Variants in ATP6V1B2 observed in about 807,000 individuals in gnomAD.
ATP6V1B2 encodes ATPase H+ transporting V1 subunit B2, also known as V-type proton ATPase subunit B, brain isoform.
Under a neutral mutation model 66.7 loss-of-function variants are expected in ATP6V1B2, and 23 were observed. That is an observed-to-expected ratio of 0.34 (90% CI 0.25 to 0.49). ATP6V1B2 has a LOEUF of 0.49. Ranked by LOEUF, ATP6V1B2 falls within the 20% of genes least tolerant of loss-of-function variation. The probability of loss-of-function intolerance (pLI) is 0.99; values close to 1 mark genes in which losing one functional copy is unlikely to be tolerated. For synonymous variants in ATP6V1B2, 278 were observed against 236.7 expected, an observed-to-expected ratio of 1.17 and a Z score of -1.60; for missense variants, 478 against 650.8, an observed-to-expected ratio of 0.73 and a Z score of 2.89.
chr8:20,212,264 G>C, intron 8 of ATP6V1B2, 65 bp downstream of exon 8: 1 of 1,508,780 alleles, frequency 6.6e-7, no homozygotes, highest in Non-Finnish European at 9.2e-7. Flanking sequence ...CTTAAGGTTG[G>C]GGAGGTAAAA....
intron 8 of ATP6V1B2, 55 bp from the exon 9 acceptor site, chr8:20,212,721 TTTTGTG>T: frequency 6.3e-7 from 1 of 1,580,864 alleles, no homozygotes; most frequent in African/African-American, 1.4e-5. Context: ...AATCATTTCT[TTTTGTG>T]TTTTCTTTTT....
chr8:20,203,302 A>G (rs2072705449), intron 1 of ATP6V1B2, among the ~76,000 whole-genome samples: 1 of 152,270 alleles, frequency 6.6e-6, no homozygotes, highest in Non-Finnish European at 1.5e-5. Flanking sequence ...TTAGCAGGAA[A>G]GATGGAAGCC....
At position 20,212,303 on chromosome 8, in the gene ATP6V1B2, A is replaced by G. The variant is rs1192963686; in HGVS notation, c.803+104A>G. 1.0e-5 allele frequency: 11 copies of G among 1,050,654 alleles called. No individual in the cohort carries two copies. In the Admixed American group the frequency reaches 1.8e-4, roughly 18 times the overall value. 65.1% of individuals were successfully genotyped at this position (1,050,654 alleles called of 1,614,324 possible). The stretch of plus-strand genomic sequence containing the variant: ...GGTAATAACAGCATTTGGACCTAAC[A>G]ATGAGGTAACCCTGTATTTAAAGTC... On this transcript the variant is annotated intron_variant, in intron 8 of 13. Transcript: ENST00000276390.
chr8:20,212,640 A>G (rs1230920771), intron 8 of ATP6V1B2, 142 bp from the exon 9 acceptor site: 12 of 1,247,104 alleles, frequency 9.6e-6, no homozygotes, highest in Non-Finnish European at 1.3e-5. Context: ...AAGAATTTGT[A>G]AAATAACAAC....
At chr8:20,207,618 G>C (rs1220571272) in intron 2 of ATP6V1B2, among the ~76,000 whole-genome samples, 1 of 151,674 alleles carries the variant, frequency 6.6e-6, no homozygotes, top group Non-Finnish European at 1.5e-5. Context: ...ATGACTTCAG[G>C]CTGTTTTCCA....
chr8:20,203,857 G>A (rs2072710957), intron 1 of ATP6V1B2: 1 of 386,246 alleles, frequency 2.6e-6, no homozygotes, highest in Non-Finnish European at 5.0e-6. Flanking sequence ...TTCTTATCTT[G>A]TTTGACCCCC....
chr8:20,203,335 C>G (rs1333712761), intron 1 of ATP6V1B2, among the ~76,000 whole-genome samples: 1 of 152,194 alleles, frequency 6.6e-6, no homozygotes, highest in Admixed American at 6.5e-5. Flanking sequence ...TCTGCTCTGT[C>G]CCAGCATTTT....
At chr8:20,204,658 T>C in intron 2 of ATP6V1B2, 119 bp downstream of exon 2, 7 of 816,474 alleles carry the variant, frequency 8.6e-6, no homozygotes, top group South Asian at 3.9e-5. Flanking sequence ...TGGGTGTCAG[T>C]CAGTCTAAAG....
At chr8:20,211,467 C>A in intron 6 of ATP6V1B2, 151 bp downstream of exon 6, 1 of 1,298,872 alleles carries the variant, frequency 7.7e-7, no homozygotes, top group Non-Finnish European at 1.0e-6. Context: ...TTTATTTCTG[C>A]ACATGTCTTC....
In ATP6V1B2 at chr8:20,199,957, T is replaced by G. The variant is rs1488922252; in HGVS notation, c.136+2415T>G. Among the ~76,000 whole-genome samples the G allele has an allele frequency of 2.6e-5, 4 of 151,564 alleles. No individual in the cohort carries two copies. In the East Asian group the frequency reaches 7.8e-4, roughly 30 times the overall value. On this transcript the variant is annotated intron_variant, in intron 1 of 13. Coordinates refer to ENST00000276390, the MANE Select transcript of ATP6V1B2 (RefSeq NM_001693.4). ...TGATTGTAATTTTTTGTGAATTGAT[T>G]GATGTTATCATTTAAGGGGACATGT...
intron 7 of ATP6V1B2, 22 bp from the exon 8 acceptor site, chr8:20,212,080 T>G (rs1404286133): frequency 1.3e-6 from 2 of 1,596,508 alleles, no homozygotes; most frequent in African/African-American, 2.7e-5. Context: ...CTCCCAGCAC[T>G]GATGAAGTTA....
intron 3 of ATP6V1B2, 97 bp from the exon 4 acceptor site, chr8:20,210,249 G>A (rs773893348): frequency 2.3e-5 from 22 of 945,898 alleles, no homozygotes; most frequent in South Asian, 3.2e-5. Flanking sequence ...ACATTCATGG[G>A]TTTTACATTA....
Position 20,210,619 on chromosome 8 carries a change from C to T in ATP6V1B2, c.436C>T (p.Leu146=), listed in dbSNP as rs766411223. Residue 146 remains leucine (L), a synonymous_variant, in exon 5 of 14, where the codon CTG becomes TTG. Transcript: ENST00000276390. ...ACCCATTGACAGAGGTCCTGTTGTA[C>T]TGGCCGAAGACTTCCTTGATATCAT... The part of the protein sequence containing the change: ...GKPIDRGPVV[L]AEDFLDIMGQ... 3.1e-6 allele frequency: 5 copies of T among 1,613,596 alleles called. No homozygotes were observed. The highest frequency in any genetic ancestry group is 4.2e-6 in the Non-Finnish European group (5 of 1,179,748).
chr8:20,217,470 C>G, intron 12 of ATP6V1B2, 146 bp downstream of exon 12: 1 of 683,400 alleles, frequency 1.5e-6, no homozygotes. Context: ...CATAATCATT[C>G]ATTAGAACCA....
Position 20,209,483 on chromosome 8 carries a change from G to A in ATP6V1B2, c.243G>A (p.Lys81=). Residue 81 remains lysine, a synonymous_variant, in exon 3 of 14, where the codon AAG becomes AAA. Transcript: ENST00000276390. ...ATTTGACCTTACCGGATGGCACAAA[G>A]AGAAGTGGGCAAGTTCTGGAAGTTA... ...IVHLTLPDGT[K]RSGQVLEVSG... 1 of 1,614,084 alleles carries A rather than the reference G, an allele frequency of 6.2e-7. No homozygotes were observed. Among genetic ancestry groups the A allele is most frequent in the South Asian group, 1.1e-5 (1 of 91,080 alleles).
At chr8:20,215,801 G>A (rs1425818838) in intron 10 of ATP6V1B2, 3 of 152,266 alleles carry the variant, frequency 2.0e-5, no homozygotes, top group African/African-American at 7.2e-5. Context: ...ATTTGGAAAT[G>A]TGTTGCTTTG....
intron 6 of ATP6V1B2, 167 bp from the exon 7 acceptor site, chr8:20,211,485 C>A (rs2072792751): frequency 1.6e-6 from 2 of 1,265,396 alleles, no homozygotes; most frequent in South Asian, 1.5e-5. Flanking sequence ...TTCTTGCTTA[C>A]CCTTGCATAT....
At chr8:20,197,691 A>G (rs774404199) in intron 1 of ATP6V1B2, 149 bp downstream of exon 1, 2 of 1,108,388 alleles carry the variant, frequency 1.8e-6, no homozygotes, top group East Asian at 3.2e-5. Flanking sequence ...GTCTCTTTAG[A>G]AGGAGATTTG....
Position 20,212,884 on chromosome 8 carries a change from T to G in ATP6V1B2, c.906T>G (p.Ser302=). 6.2e-7 allele frequency: 1 copy of G among 1,613,664 alleles called. No homozygotes were observed. Among genetic ancestry groups the G allele is most frequent in the Non-Finnish European group, 8.5e-7 (1 of 1,179,712 alleles). Residue 302 remains serine (S), a synonymous_variant, in exon 9 of 14, where the codon TCT becomes TCG. Transcript: ENST00000276390. The stretch of plus-strand genomic sequence containing the variant: ...TGGTTATTCTAACAGACATGAGTTC[T>G]TATGCTGAAGCACTTCGAGAGGTAA... The part of the protein sequence containing the change: ...HVLVILTDMS[S]YAEALREVSA...
Sources: gnomAD v4.1 joint callset for allele counts (sites outside exome capture counted in the v4.1 genomes callset) on GRCh38, gnomAD v4.1.1 for gene constraint, MANE v1.5 for transcripts, NCBI Gene and HGNC (gene_info 2026-07-23, HGNC 2026-07-21) for gene names.